The following RCN3 variants were observed in gnomAD, a reference collection of about 807,000 sequenced individuals.
The protein encoded by RCN3 is reticulocalbin-3.
A neutral mutation model predicts 35.9 loss-of-function variants in RCN3; 41 were observed. The ratio of observed to expected loss-of-function variants is 1.14; its 90% CI spans 0.89 to 1.48. The LOEUF (loss-of-function observed/expected upper bound fraction) is 1.48, where lower values mean the gene tolerates loss of function less well. Among genes scored for constraint, RCN3 ranks in the 40% most tolerant of loss-of-function variants. The pLI is 0.00. For synonymous variants in RCN3, 187 were observed against 193.4 expected (o/e 0.97, Z 0.27); for missense variants, 451 against 471.3 (o/e 0.96, Z 0.40).
rs572583056 is a variant in RCN3, at chr19:49,538,953, C to T, written c.619-166C>T. On this transcript the variant is annotated intron_variant, in intron 4 of 6. Coordinates refer to ENST00000270645, the MANE Select transcript of RCN3 (RefSeq NM_020650.3). ...TTTGATGATAACATCCCAGAAAGCC[C>T]GCAAATTTCCCACATGCCACCTGTT... Among the ~76,000 whole-genome samples, 4 of 152,230 alleles carry T rather than the reference C, an allele frequency of 2.6e-5. No individual in the cohort carries two copies. The East Asian group carries it at 5.8e-4, about 22-fold the overall frequency.
intron 2 of RCN3, among the ~76,000 whole-genome samples, chr19:49,533,336 G>A (rs1037120903): frequency 6.6e-6 from 1 of 152,186 alleles, no homozygotes; most frequent in African/African-American, 2.4e-5. Context: ...TAGGGAGGGG[G>A]CCGCGGGGGC....
At chr19:49,528,340 C>T (rs2080091623) in intron 1 of RCN3, 127 bp from the exon 2 acceptor site, 1 of 955,142 alleles carries the variant, frequency 1.0e-6, no homozygotes, top group Non-Finnish European at 1.4e-6. Context: ...TTTTTGAGCC[C>T]GAAAGCTTGC....
chr19:49,529,096 G>A (rs1280603573), intron 2 of RCN3, among the ~76,000 whole-genome samples: 14 of 152,110 alleles, frequency 9.2e-5, no homozygotes, highest in African/African-American at 2.9e-4. Context: ...CAGGAGAATC[G>A]CTTGAACCTG....
intron 3 of RCN3, 33 bp downstream of exon 3, chr19:49,534,428 A>T (rs1020971378): frequency 7.2e-6 from 11 of 1,531,574 alleles, no homozygotes; most frequent in Non-Finnish European, 9.6e-6. Context: ...TGCTCCCCAT[A>T]CACCGTGACC....
chr19:49,531,668 T>G (rs956967866), intron 2 of RCN3, among the ~76,000 whole-genome samples: 1 of 152,294 alleles, frequency 6.6e-6, no homozygotes. Flanking sequence ...TCCCCAGGAC[T>G]GCTGGCTGGG....
At position 49,543,357 on chromosome 19, in the gene RCN3, C is replaced by T; in HGVS notation, c.*144C>T. 1.4e-6 allele frequency: 1 copy of T among 692,306 alleles called. No homozygotes were observed. Among genetic ancestry groups the T allele is most frequent in the Non-Finnish European group, 2.5e-6 (1 of 394,422 alleles). 42.9% of individuals were successfully genotyped at this position (692,306 alleles called of 1,614,324 possible). The stretch of plus-strand genomic sequence containing the variant: ...CCTGCCCCTGGGCTCTCAGGGACCC[C>T]CTGGGTCGGCTTCTGTCCCTGTCAC... On this transcript the variant is annotated 3_prime_UTR_variant, in exon 7 of 7. Coordinates refer to ENST00000270645, the MANE Select transcript of RCN3 (RefSeq NM_020650.3).
At chr19:49,543,081 C>A in intron 6 of RCN3, 25 bp from the exon 7 acceptor site, 1 of 1,599,006 alleles carries the variant, frequency 6.3e-7, no homozygotes, top group East Asian at 2.2e-5. Context: ...GTGTTGTCCC[C>A]TCTGAACCCT....
Position 49,534,207 on chromosome 19 carries a change from G to T in RCN3, c.257G>T (p.Arg86Leu), listed in dbSNP as rs758042375. 10 of 1,491,594 alleles carry T rather than the reference G, an allele frequency of 6.7e-6. No individual in the cohort carries two copies. Among genetic ancestry groups the T allele is most frequent in the Non-Finnish European group, 8.9e-6 (10 of 1,126,576 alleles). The allele number at this position is 1,491,594 out of a possible 1,614,324, so 92.4% of individuals were successfully genotyped here. Residue 86 changes from arginine to leucine, a missense_variant, in exon 3 of 7, where the codon CGC (arginine) becomes CTC (leucine). Arg to Leu is a moderately radical substitution (Grantham distance 102). Transcript: ENST00000270645. ...SQARLGRIVD[R>L]MDRAGDGDGW... ...CCGGCTTCTAGGCGGATCGTGGACC[G>T]CATGGACCGCGCGGGGGACGGCGAC...
Position 49,543,202 on chromosome 19 carries a change from G to A in RCN3, c.976G>A (p.Asp326Asn), listed in dbSNP as rs771461798. ...TGGCGAGGACCTGACCCGGCACCAC[G>A]ATGAGCTGTGAGCACCGCGCACCTG... The part of the protein sequence containing the change: ...NYGEDLTRHH[D>N]EL The change falls in exon 7 of 7, where the codon GAT becomes AAT. Residue 326 changes from aspartate (D) to asparagine (N), a missense_variant. Transcript: ENST00000270645. The A allele has an allele frequency of 2.0e-5, 32 of 1,612,054 alleles. No individual in the cohort carries two copies. The highest frequency in any genetic ancestry group is 5.5e-5 in the South Asian group (5 of 90,924).
rs1271931164 is a variant in RCN3, at chr19:49,528,725, C to G, written c.242+11C>G. 1 of 1,564,306 alleles carries G rather than the reference C, an allele frequency of 6.4e-7. No individual in the cohort carries two copies. Among genetic ancestry groups the G allele is most frequent in the Non-Finnish European group, 8.7e-7 (1 of 1,153,142 alleles). ...CCAGGCCCGTCTGGGGTAAGAGAGACATTCGGTTGGGGCGTGTCCAGAGGT... is the reference window on the plus strand; with the variant it reads ...CCAGGCCCGTCTGGGGTAAGAGAGAGATTCGGTTGGGGCGTGTCCAGAGGT... On this transcript the variant is annotated intron_variant, in intron 2 of 6. Transcript: ENST00000270645.
chr19:49,538,449 G>C (rs1472127937), intron 4 of RCN3, among the ~76,000 whole-genome samples: 1 of 151,502 alleles, frequency 6.6e-6, no homozygotes, highest in African/African-American at 2.4e-5. Flanking sequence ...TTACAGTTGT[G>C]AGCCACCACG....
chr19:49,543,302 GCAGGAGGCAGATGCAGTCCCAGGCATC>G lies in RCN3; in HGVS notation c.*91_*117del. 1 of 1,065,524 alleles carries G rather than the reference GCAGGAGGCAGATGCAGTCCCAGGCATC, an allele frequency of 9.4e-7. No homozygotes were observed. The highest frequency in any genetic ancestry group is 1.4e-6 in the Non-Finnish European group (1 of 706,074). 66.0% of individuals were successfully genotyped at this position (1,065,524 alleles called of 1,614,324 possible). ...CTGGCCCCCTCCCTGTCCAGGCCCC[GCAGGAGGCAGATGCAGTCCCAGGCATC>G]CTCCTGCCCCTGGGCTCTCAGGGAC... On this transcript the variant is annotated 3_prime_UTR_variant, in exon 7 of 7. Coordinates refer to ENST00000270645, the MANE Select transcript of RCN3 (RefSeq NM_020650.3).
intron 3 of RCN3, among the ~76,000 whole-genome samples, chr19:49,534,973 A>G (rs549935383): frequency 1.3e-5 from 2 of 151,668 alleles, no homozygotes; most frequent in African/African-American, 2.4e-5. Context: ...ACCCTGCCAC[A>G]CACACAGCCC....
Position 49,542,746 on chromosome 19 carries a change from G to T in RCN3, c.873G>T (p.Thr291=), listed in dbSNP as rs779049163. The change falls in exon 6 of 7, where the codon ACG becomes ACT. Residue 291 remains threonine (T), a synonymous_variant. Transcript: ENST00000270645. ...EANHLLHESD[T]DKDGRLSKAE... ...ACCACCTGCTGCACGAGAGCGACAC[G>T]GACAAGGTGCAGTGACGGGGCCTCG... 1.3e-6 allele frequency: 2 copies of T among 1,585,756 alleles called. No individual in the cohort carries two copies. Among genetic ancestry groups the T allele is most frequent in the Non-Finnish European group, 1.7e-6 (2 of 1,167,278 alleles).
intron 3 of RCN3, among the ~76,000 whole-genome samples, chr19:49,535,099 T>C (rs2080128114): frequency 6.6e-6 from 1 of 151,480 alleles, no homozygotes; most frequent in African/African-American, 2.4e-5. Flanking sequence ...TGCCCCTCCC[T>C]CCCCCTCCTG....
At chr19:49,529,073 C>T (rs2080095902) in intron 2 of RCN3, among the ~76,000 whole-genome samples, 2 of 151,898 alleles carry the variant, frequency 1.3e-5, no homozygotes, top group African/African-American at 4.8e-5. Context: ...CCCAGCTACT[C>T]GGGAGGCTGA....
intron 4 of RCN3, among the ~76,000 whole-genome samples, chr19:49,537,438 C>T (rs1036159306): frequency 6.6e-5 from 10 of 152,146 alleles, no homozygotes; most frequent in Non-Finnish European, 7.3e-5. Context: ...TCCCTGTGCT[C>T]GCATTTGGGG....
At chr19:49,529,472 A>G (rs973813274) in intron 2 of RCN3, among the ~76,000 whole-genome samples, 2 of 152,202 alleles carry the variant, frequency 1.3e-5, no homozygotes. Context: ...CGATGGGAGC[A>G]GCCGCCTTCT....
intron 2 of RCN3, among the ~76,000 whole-genome samples, chr19:49,530,119 A>G (rs577834832): frequency 6.6e-6 from 1 of 150,682 alleles, no homozygotes; most frequent in Non-Finnish European, 1.5e-5. Flanking sequence ...TACAAGTCCT[A>G]GCTACAAGTG....
Sources: allele counts gnomAD v4.1 joint callset (sites outside exome capture counted in the v4.1 genomes callset), GRCh38; gene constraint gnomAD v4.1.1; transcripts MANE v1.5; gene names NCBI Gene and HGNC (gene_info 2026-07-23, HGNC 2026-07-21).